EARS2: variants seen among roughly 807,000 people sequenced by gnomAD.
The protein encoded by EARS2 is nondiscriminating glutamyl-tRNA synthetase EARS2, mitochondrial.
EARS2 carries 50 observed loss-of-function variants against 54.1 expected under a neutral mutation model. The ratio of observed to expected loss-of-function variants is 0.92; its 90% CI spans 0.74 to 1.17. The LOEUF (loss-of-function observed/expected upper bound fraction) is 1.17, where lower values mean the gene tolerates loss of function less well. Ranked by LOEUF, EARS2 falls within the 50% of genes most tolerant of loss-of-function variation. The pLI, the probability that EARS2 is intolerant of heterozygous loss-of-function variation, is 0.00. For synonymous variants in EARS2, 298 were observed against 281.0 expected, an observed-to-expected ratio of 1.06 and a Z score of -0.61; for missense variants, 673 against 675.0, an observed-to-expected ratio of 1.00 and a Z score of 0.03.
intron 1 of EARS2, chr16:23,553,108 G>A (rs1297597870): frequency 1.4e-5 from 4 of 293,494 alleles, no homozygotes; most frequent in Admixed American, 8.4e-5. Flanking sequence ...AGCCTGGGCA[G>A]CAGTAGAGTG....
chr16:23,522,784 C>T lies in EARS2; in HGVS notation c.*1587G>A, dbSNP rs1405829750. 6.6e-6 allele frequency: 1 copy of T among 152,192 alleles called. No individual in the cohort carries two copies. Among genetic ancestry groups the T allele is most frequent in the African/African-American group, 2.4e-5 (1 of 41,440 alleles). 9.4% of individuals were successfully genotyped at this position (152,192 alleles called of 1,614,324 possible). A position where few individuals can be genotyped will look rare whatever the true frequency, so the allele number is the denominator to read the frequency against. On this transcript the variant is annotated 3_prime_UTR_variant, in exon 9 of 9. Transcript: ENST00000449606. Reference sequence around the variant, plus strand: ...ATGTGTGTCTGACGTTCCGGAGCAGCTTCTCTGAGTGGTTCTGGCTTAGGG... The same window carrying T: ...ATGTGTGTCTGACGTTCCGGAGCAGTTTCTCTGAGTGGTTCTGGCTTAGGG...
At chr16:23,556,757 T>C in intron 1 of EARS2, 1 of 387,386 alleles carries the variant, frequency 2.6e-6, no homozygotes, top group Non-Finnish European at 5.0e-6. Flanking sequence ...TTCTGGAGCG[T>C]CCTTCTTAAT....
intron 3 of EARS2, among the ~76,000 whole-genome samples, chr16:23,541,315 A>C (rs558709166): frequency 6.5e-4 from 99 of 152,340 alleles, no homozygotes; most frequent in Non-Finnish European, 1.1e-3. Context: ...GAATAGAGCA[A>C]GACTCCATTT....
chr16:23,545,921 C>T (rs796564055), intron 2 of EARS2, among the ~76,000 whole-genome samples: 6 of 152,276 alleles, frequency 3.9e-5, no homozygotes, highest in African/African-American at 1.4e-4. Flanking sequence ...TTTCTAGGCT[C>T]AAGTGATCCT....
At chr16:23,548,346 C>A (rs1425289448) in intron 2 of EARS2, among the ~76,000 whole-genome samples, 1 of 152,098 alleles carries the variant, frequency 6.6e-6, no homozygotes, top group Non-Finnish European at 1.5e-5. Flanking sequence ...CCATGAGGTG[C>A]CTGAATACCT....
chr16:23,552,431 A>G (rs1965712245), intron 1 of EARS2, 127 bp from the exon 2 acceptor site: 4 of 1,084,198 alleles, frequency 3.7e-6, no homozygotes, highest in Non-Finnish European at 1.3e-6. Flanking sequence ...ACATTGGCTC[A>G]CGCCTGTAAT....
chr16:23,548,771 G>A (rs998650040), intron 2 of EARS2, among the ~76,000 whole-genome samples: 2 of 152,146 alleles, frequency 1.3e-5, no homozygotes, highest in African/African-American at 2.4e-5. Flanking sequence ...TGACTGGAGT[G>A]AGAACTTGTT....
chr16:23,555,664 C>T (rs1038852733), intron 1 of EARS2, among the ~76,000 whole-genome samples: 1 of 152,156 alleles, frequency 6.6e-6, no homozygotes, highest in Non-Finnish European at 1.5e-5. Context: ...CAATCAAGTA[C>T]AGAAACTGAG....
chr16:23,536,677 TTTTTC>T (rs1965423729), intron 3 of EARS2, among the ~76,000 whole-genome samples: 1 of 150,484 alleles, frequency 6.6e-6, no homozygotes, highest in Non-Finnish European at 1.5e-5. Context: ...AAAAACTTTT[TTTTTC>T]TTTTTTTTTT....
At chr16:23,548,590 C>CT (rs956543442) in intron 2 of EARS2, among the ~76,000 whole-genome samples, 22 of 148,664 alleles carry the variant, frequency 1.5e-4, no homozygotes, top group East Asian at 5.9e-4. Flanking sequence ...CCTGGAAAGC[C>CT]TTTTTTTTTT....
chr16:23,543,870 C>A (rs1453712957), intron 3 of EARS2, among the ~76,000 whole-genome samples: 2 of 152,038 alleles, frequency 1.3e-5, no homozygotes, highest in Non-Finnish European at 2.9e-5. Flanking sequence ...GTTTCGTGCA[C>A]AAAATTATTT....
At chr16:23,543,244 TC>T (rs910376264) in intron 3 of EARS2, among the ~76,000 whole-genome samples, 1 of 149,904 alleles carries the variant, frequency 6.7e-6, no homozygotes, top group African/African-American at 2.5e-5. Context: ...CATAGTGAGA[TC>T]CCCATCTTTA....
Position 23,557,254 on chromosome 16 carries a change from G to A in EARS2, c.90C>T (p.Gly30=). ...RPVGRREANL[G]TDAGVAVRVR... is the part of the protein sequence containing the mutation. The stretch of plus-strand genomic sequence containing the variant: ...CTCGCACCGCAACCCCGGCATCAGT[G>A]CCCAGGTTGGCCTCGCGCCGTCCTA... The change falls in exon 1 of 9, where the codon GGC becomes GGT. Residue 30 remains glycine, a synonymous_variant. Coordinates refer to ENST00000449606, the MANE Select transcript of EARS2 (RefSeq NM_001083614.2). The A allele has an allele frequency of 6.6e-7, 1 of 1,522,408 alleles. No homozygotes were observed. Among genetic ancestry groups the A allele is most frequent in the Admixed American group, 2.2e-5 (1 of 45,362 alleles). 94.3% of individuals were successfully genotyped at this position (1,522,408 alleles called of 1,614,324 possible). A position where few individuals can be genotyped will look rare whatever the true frequency, so the allele number is the denominator to read the frequency against.
chr16:23,550,532 G>A (rs959535297), intron 2 of EARS2, among the ~76,000 whole-genome samples: 147 of 149,540 alleles, frequency 9.8e-4, no homozygotes, highest in Non-Finnish European at 3.8e-4. Flanking sequence ...CCGCCTTCCG[G>A]GTTCACGCCA....
At chr16:23,557,133 A>C (rs758513944) in intron 1 of EARS2, 72 bp downstream of exon 1, 3 of 1,485,292 alleles carry the variant, frequency 2.0e-6, no homozygotes, top group South Asian at 1.4e-5. Context: ...GAAAGGATTC[A>C]TTCGGGAACA....
intron 7 of EARS2, among the ~76,000 whole-genome samples, chr16:23,527,368 T>C (rs1965246933): frequency 6.6e-6 from 1 of 152,148 alleles, no homozygotes; most frequent in African/African-American, 2.4e-5. Context: ...GTTCTGACCC[T>C]GCCTGCTCAA....
At chr16:23,533,853 C>T (rs1482713989) in intron 4 of EARS2, among the ~76,000 whole-genome samples, 5 of 152,056 alleles carry the variant, frequency 3.3e-5, no homozygotes, top group African/African-American at 7.2e-5. Context: ...GTCAGGAGTT[C>T]GAGAACAGCC....
intron 3 of EARS2, among the ~76,000 whole-genome samples, chr16:23,535,738 G>A (rs181630545): frequency 1.2e-3 from 189 of 152,260 alleles, no homozygotes; most frequent in African/African-American, 4.4e-3. Flanking sequence ...GCATGCCTGG[G>A]GAGTAAGAAA....
At chr16:23,546,925 G>A (rs932312468) in intron 2 of EARS2, among the ~76,000 whole-genome samples, 1 of 152,206 alleles carries the variant, frequency 6.6e-6, no homozygotes, top group Admixed American at 6.5e-5. Context: ...TCAGAAAGGA[G>A]GGCTAAATCG....
Sources: gnomAD v4.1 joint callset for allele counts (sites outside exome capture counted in the v4.1 genomes callset) on GRCh38, gnomAD v4.1.1 for gene constraint, MANE v1.5 for transcripts, NCBI Gene and HGNC (gene_info 2026-07-23, HGNC 2026-07-21) for gene names.